Variants in VPS8 observed in about 807,000 individuals in gnomAD.
VPS8 encodes VPS8 subunit of CORVET complex.
VPS8 carries 129 observed loss-of-function variants against 216.4 expected under a neutral mutation model. The observed-to-expected ratio is 0.60, with a 90% CI of 0.52 to 0.69. The LOEUF is 0.69. VPS8 is among the 30% of genes least tolerant of loss of function. The pLI, the probability that VPS8 is intolerant of heterozygous loss-of-function variation, is 0.00. For synonymous variants in VPS8, 571 were observed against 565.4 expected, an observed-to-expected ratio of 1.01 and a Z score of -0.14; for missense variants, 1,531 against 1,683.5, an observed-to-expected ratio of 0.91 and a Z score of 1.59.
chr3:184,859,954 G>T, intron 14 of VPS8, 31 bp from the exon 15 acceptor site: 1 of 1,555,622 alleles, frequency 6.4e-7, no homozygotes, highest in Non-Finnish European at 8.8e-7. Context: ...AACAGTAGCT[G>T]GTTTTTAGGT....
At chr3:184,875,443 CTATAAT>C (rs1427784653) in intron 21 of VPS8, among the ~76,000 whole-genome samples, 6 of 152,110 alleles carry the variant, frequency 3.9e-5, no homozygotes, top group East Asian at 3.9e-4. Flanking sequence ...AGATTTCAAC[CTATAAT>C]TATAATTTAT....
At chr3:184,921,934 A>C (rs1738701937) in intron 29 of VPS8, among the ~76,000 whole-genome samples, 1 of 152,020 alleles carries the variant, frequency 6.6e-6, no homozygotes, top group African/African-American at 2.4e-5. Flanking sequence ...TTTCTGCCAT[A>C]CCCGTCTAAA....
intron 40 of VPS8, among the ~76,000 whole-genome samples, chr3:184,975,015 G>A (rs927562822): frequency 2.6e-5 from 4 of 151,898 alleles, no homozygotes; most frequent in Non-Finnish European, 4.4e-5. Flanking sequence ...TATCCTTTTT[G>A]TTCAGGATTG....
At chr3:184,890,823 T>G (rs1460783729) in intron 22 of VPS8, among the ~76,000 whole-genome samples, 1 of 152,176 alleles carries the variant, frequency 6.6e-6, no homozygotes, top group Non-Finnish European at 1.5e-5. Context: ...ACTTATACTT[T>G]ATTTTCATAA....
rs1044394114 is a variant in VPS8 at position 184,946,839 on chromosome 3, CT to C, written c.3035+6604del. Among the ~76,000 whole-genome samples, 47 of 151,682 alleles carry C rather than the reference CT, an allele frequency of 3.1e-4. 1 individual carries two copies. Among genetic ancestry groups the C allele is most frequent in the Non-Finnish European group, 3.5e-4 (24 of 67,944 alleles). On this transcript the variant is annotated intron_variant, in intron 36 of 47. Coordinates refer to ENST00000625842, the MANE Select transcript of VPS8 (RefSeq NM_001009921.3). ...TGTAAAGTCATTTTAGGGAAAAAAA[CT>C]TTTTTTTCCTTTTCAGTTCTTAGTT...
chr3:184,994,926 TAAGAG>T (rs554893175), intron 43 of VPS8, among the ~76,000 whole-genome samples: 350 of 152,324 alleles, frequency 2.3e-3, no homozygotes, highest in Non-Finnish European at 4.4e-3. Context: ...TGGCAGCAGA[TAAGAG>T]AAGAGAGCTT....
At chr3:184,854,918 A>T (rs865774774) in intron 13 of VPS8, among the ~76,000 whole-genome samples, 19 of 152,006 alleles carry the variant, frequency 1.2e-4, no homozygotes, top group African/African-American at 4.6e-4. Flanking sequence ...ATAGGATGGG[A>T]TGGAGAATGG....
At chr3:184,975,056 A>G (rs553875818) in intron 40 of VPS8, among the ~76,000 whole-genome samples, 1 of 152,204 alleles carries the variant, frequency 6.6e-6, no homozygotes, top group South Asian at 2.1e-4. Context: ...TTGTAGTTCC[A>G]TATGAATTTT....
chr3:184,979,264 A>G (rs550957595), intron 40 of VPS8, among the ~76,000 whole-genome samples: 1 of 152,266 alleles, frequency 6.6e-6, no homozygotes, highest in East Asian at 1.9e-4. Context: ...GATGGGAAGA[A>G]TGCATATTCT....
chr3:184,824,585 C>CA lies in VPS8; in HGVS notation c.-42dup, dbSNP rs766114230. On this transcript the variant is annotated 5_prime_UTR_variant, in exon 2 of 48. Coordinates refer to ENST00000625842, the MANE Select transcript of VPS8 (RefSeq NM_001009921.3). ...TCTTCGTGAGCTAAGGCCAAACAAA[C>CA]AAAAAACACTTGCTTTGATGGACTG... The CA allele has an allele frequency of 6.4e-7, 1 of 1,568,922 alleles. No homozygotes were observed. The highest frequency in any genetic ancestry group is 8.7e-7 in the Non-Finnish European group (1 of 1,155,520).
chr3:184,844,718 G>A (rs1722807713), intron 8 of VPS8, among the ~76,000 whole-genome samples: 1 of 152,090 alleles, frequency 6.6e-6, no homozygotes, highest in African/African-American at 2.4e-5. Context: ...ATATGCTGAG[G>A]AGATCTACTC....
intron 43 of VPS8, among the ~76,000 whole-genome samples, 165 bp downstream of exon 43, chr3:184,994,228 A>G (rs114147495): frequency 0.011 from 1,744 of 152,222 alleles, 43 homozygotes; most frequent in African/African-American, 0.04. Flanking sequence ...CTCGCCAGGC[A>G]TGGTAACTCA....
intron 9 of VPS8, 60 bp downstream of exon 9, chr3:184,849,255 A>G: frequency 1.3e-6 from 2 of 1,572,702 alleles, no homozygotes; most frequent in Non-Finnish European, 1.7e-6. Flanking sequence ...AATTTACAAA[A>G]ACTTACATCT....
chr3:185,013,670 T>C (rs6762657), intron 45 of VPS8, among the ~76,000 whole-genome samples: 4,838 of 152,316 alleles, frequency 0.032, 281 homozygotes, highest in African/African-American at 0.11. Context: ...CAAATCCTTA[T>C]GTTTAGCTCC....
At chr3:185,015,842 T>C (rs2110025107) in intron 45 of VPS8, among the ~76,000 whole-genome samples, 1 of 152,292 alleles carries the variant, frequency 6.6e-6, no homozygotes, top group African/African-American at 2.4e-5. Flanking sequence ...ATAGTAGCAA[T>C]TTGATCCAAA....
chr3:184,993,266 G>A (rs2109845505), intron 42 of VPS8, among the ~76,000 whole-genome samples: 2 of 152,146 alleles, frequency 1.3e-5, no homozygotes, highest in South Asian at 4.1e-4. Context: ...AACAAGACTA[G>A]AGAAATATAC....
chr3:184,935,596 A>G (rs1163425701), intron 34 of VPS8, among the ~76,000 whole-genome samples: 1 of 152,204 alleles, frequency 6.6e-6, no homozygotes, highest in African/African-American at 2.4e-5. Flanking sequence ...TTGGAAAGGT[A>G]GAATATTAGG....
intron 39 of VPS8, among the ~76,000 whole-genome samples, chr3:184,970,852 G>A (rs1280342797): frequency 2.0e-5 from 3 of 152,132 alleles, no homozygotes; most frequent in South Asian, 2.1e-4. Flanking sequence ...TAGCATAGAC[G>A]AGGTGATGAA....
intron 36 of VPS8, among the ~76,000 whole-genome samples, chr3:184,955,574 G>A (rs2109456023): frequency 6.6e-6 from 1 of 151,830 alleles, no homozygotes; most frequent in Middle Eastern, 3.4e-3. Flanking sequence ...TGGTGGTAGT[G>A]GTTCCCCGGG....
Sources: gnomAD v4.1 joint callset for allele counts (sites outside exome capture counted in the v4.1 genomes callset) on GRCh38, gnomAD v4.1.1 for gene constraint, MANE v1.5 for transcripts, NCBI Gene and HGNC (gene_info 2026-07-23, HGNC 2026-07-21) for gene names.